GGT7: variants seen among roughly 807,000 people sequenced by gnomAD.
GGT7 encodes the protein gamma-glutamyltransferase 7.
Under a neutral mutation model 69.2 loss-of-function variants are expected in GGT7, and 30 were observed. That is an observed-to-expected ratio of 0.43 (90% CI 0.32 to 0.59). The LOEUF (loss-of-function observed/expected upper bound fraction) is 0.59, where lower values mean the gene tolerates loss of function less well. GGT7 is among the 20% of genes least tolerant of loss of function. GGT7 has a pLI of 0.05. For missense variants in GGT7, 733 were observed against 901.1 expected, an observed-to-expected ratio of 0.81 and a Z score of 2.39; for synonymous variants, 388 against 391.8, an observed-to-expected ratio of 0.99 and a Z score of 0.12.
chr20:34,859,761 C>A, intron 6 of GGT7, 122 bp from the exon 7 acceptor site: 2 of 886,266 alleles, frequency 2.3e-6, no homozygotes, highest in East Asian at 2.7e-5. Flanking sequence ...CCCCCAGGAG[C>A]CTGTTAAGTG....
Position 34,856,827 on chromosome 20 carries a change from G to T in GGT7, c.1081C>A (p.Pro361Thr), listed in dbSNP as rs777142616. ...FSNYSALVEKPVCGVYRGHLV... is the reference protein window; with the variant it reads ...FSNYSALVEKTVCGVYRGHLV... ...TCACCTCTGTACACGCCACACACAGGCTTCTCCACAAGGGCGCTGTAATTG... is the reference window on the plus strand; with the variant it reads ...TCACCTCTGTACACGCCACACACAGTCTTCTCCACAAGGGCGCTGTAATTG... The change falls in exon 8 of 15, where the codon CCT becomes ACT. Residue 361 changes from proline to threonine, a missense_variant. By Grantham distance (38) the Pro-to-Thr change is conservative. Transcript: ENST00000336431. 6.2e-7 allele frequency: 1 copy of T among 1,609,112 alleles called. No individual in the cohort carries two copies. The highest frequency in any genetic ancestry group is 1.1e-5 in the South Asian group (1 of 90,660).
In GGT7 at chr20:34,862,858, GGCT is replaced by G; in HGVS notation, c.510_512del (p.Ala171del). 1 of 1,614,058 alleles carries G rather than the reference GGCT, an allele frequency of 6.2e-7. No individual in the cohort carries two copies. The highest frequency in any genetic ancestry group is 1.1e-5 in the South Asian group (1 of 91,080). ...GTGGAGCCACGATACCCAAACACAA[GGCT>G]GCTGCCACCGCTGCGTCCACAGAAG... On this transcript the variant is annotated inframe_deletion, in exon 3 of 15. Coordinates refer to ENST00000336431, the MANE Select transcript of GGT7 (RefSeq NM_178026.3).
intron 14 of GGT7, 25 bp downstream of exon 14, chr20:34,849,936 C>T: frequency 2.7e-6 from 4 of 1,461,586 alleles, no homozygotes; most frequent in Non-Finnish European, 3.8e-6. Flanking sequence ...GTGCCCGCCC[C>T]ACGAGGTCTC....
At chr20:34,851,130 G>T (rs193051974) in intron 13 of GGT7, 101 bp downstream of exon 13, 3 of 1,439,114 alleles carry the variant, frequency 2.1e-6, no homozygotes, top group East Asian at 4.5e-5. Flanking sequence ...CATGTTTGCC[G>T]CATGAGGAAT....
rs150381116 is a variant in GGT7, at chr20:34,859,811, G to A, written c.817+158C>T. ...CTAAGGGCCCTTCCCAGACCCCCTC[G>A]TTTGAGGCCGCCTCCAGGTGAGGGT... On this transcript the variant is annotated intron_variant, in intron 6 of 14. Transcript: ENST00000336431. Among the ~76,000 whole-genome samples the A allele has an allele frequency of 3.1e-3, 474 of 152,256 alleles. 3 individuals are homozygous for A. The highest frequency in any genetic ancestry group is 5.0e-3 in the Non-Finnish European group (341 of 67,990).
Position 34,863,282 on chromosome 20 carries a change from T to G in GGT7, c.405+31A>C. 3 of 1,478,190 alleles carry G rather than the reference T, an allele frequency of 2.0e-6. No homozygotes were observed. The highest frequency in any genetic ancestry group is 2.8e-6 in the Non-Finnish European group (3 of 1,065,156). 91.6% of individuals were successfully genotyped at this position (1,478,190 alleles called of 1,614,324 possible). A position where few individuals can be genotyped will look rare whatever the true frequency, so the allele number is the denominator to read the frequency against. On this transcript the variant is annotated intron_variant, in intron 2 of 14. Coordinates refer to ENST00000336431, the MANE Select transcript of GGT7 (RefSeq NM_178026.3). The surrounding 1 kb of genome is among the most constrained non-coding windows in gnomAD (Gnocchi z 4.4). ...CATTACCCCACTCCCCACTCCCCAGTTTCCTCCCCCTCCCCATTTGTCCCC... is the reference window on the plus strand; with the variant it reads ...CATTACCCCACTCCCCACTCCCCAGGTTCCTCCCCCTCCCCATTTGTCCCC...
At chr20:34,851,173 A>T (rs1310734247) in intron 13 of GGT7, 58 bp downstream of exon 13, 2 of 1,594,986 alleles carry the variant, frequency 1.3e-6, no homozygotes, top group Non-Finnish European at 1.7e-6. Context: ...AGGCATCTGC[A>T]GTCTAGGCCA....
Position 34,868,547 on chromosome 20 carries a change from C to T in GGT7, c.169+4100G>A, listed in dbSNP as rs546540917. ...TCTAATTTTTACCTTCAGGGCTCAT[C>T]CCTGGTATCTGCTTGGATACCACTT... On this transcript the variant is annotated intron_variant, in intron 1 of 14. Coordinates refer to ENST00000336431, the MANE Select transcript of GGT7 (RefSeq NM_178026.3). 1.3e-3 allele frequency among the ~76,000 whole-genome samples: 201 copies of T among 152,280 alleles called. 2 individuals are homozygous for T. The highest frequency in any genetic ancestry group is 4.7e-3 in the African/African-American group (194 of 41,558).
rs372362464 is a variant in GGT7, at chr20:34,860,260, T to C, written c.737A>G (p.Tyr246Cys). 6.2e-6 allele frequency: 10 copies of C among 1,612,728 alleles called. No homozygotes were observed. Among genetic ancestry groups the C allele is most frequent in the Non-Finnish European group, 8.5e-6 (10 of 1,178,926 alleles). ...VKGLHEAHQL[Y>C]GRLPWSQVLA... Reference sequence around the variant, plus strand: ...CCAGGGGGAGGGTTGTTACCTGCCATAGAGCTGGTGAGCTTCATGTAGCCC... The same window carrying C: ...CCAGGGGGAGGGTTGTTACCTGCCACAGAGCTGGTGAGCTTCATGTAGCCC... The change falls in exon 5 of 15, where the codon TAT (tyrosine) becomes TGT (cysteine). Residue 246 changes from tyrosine to cysteine, a missense_variant. Transcript: ENST00000336431.
chr20:34,859,987 T>C lies in GGT7; in HGVS notation c.799A>G (p.Asn267Asp). 6.4e-7 allele frequency: 1 copy of C among 1,565,266 alleles called. No individual in the cohort carries two copies. Among genetic ancestry groups the C allele is most frequent in the South Asian group, 1.2e-5 (1 of 85,058 alleles). The change falls in exon 6 of 15, where the codon AAC becomes GAC. Residue 267 changes from asparagine (N) to aspartate (D), a missense_variant. By Grantham distance (23) the Asn-to-Asp change is conservative. Coordinates refer to ENST00000336431, the MANE Select transcript of GGT7 (RefSeq NM_178026.3). ...FAAAVAQDGF[N>D]VTHDLARALA... ...CACTGACCTAGATCATGAGTCACGT[T>C]GAAGCCATCTTGGGCCACAGCTGCT...
intron 10 of GGT7, 144 bp from the exon 11 acceptor site, chr20:34,852,682 T>A: frequency 1.6e-6 from 1 of 640,862 alleles, no homozygotes; most frequent in Non-Finnish European, 2.4e-6. Context: ...AGAAGCTCAT[T>A]AATTGCACAT....
At position 34,871,674 on chromosome 20, in the gene GGT7, C is replaced by T. The variant is rs767972788; in HGVS notation, c.169+973G>A. On this transcript the variant is annotated intron_variant, in intron 1 of 14. Coordinates refer to ENST00000336431, the MANE Select transcript of GGT7 (RefSeq NM_178026.3). ...GGGAGCAGCTAGGGAAGGGCCAAGC[C>T]GGAAAAGCAGCATCTGCCAGGCTGG... Among the ~76,000 whole-genome samples the T allele has an allele frequency of 3.9e-5, 6 of 152,294 alleles. No individual in the cohort carries two copies. The South Asian group carries it at 6.2e-4, about 16-fold the overall frequency.
At chr20:34,860,448 C>G (rs1455668096) in intron 4 of GGT7, 127 bp from the exon 5 acceptor site, 2 of 726,400 alleles carry the variant, frequency 2.8e-6, no homozygotes, top group African/African-American at 3.5e-5. Flanking sequence ...CCAAGTATCC[C>G]AGGGGAGGGA....
intron 10 of GGT7, among the ~76,000 whole-genome samples, chr20:34,853,497 G>A (rs1214391630): frequency 6.6e-6 from 1 of 151,104 alleles, no homozygotes; most frequent in Non-Finnish European, 1.5e-5. Context: ...GGGAGGCAGA[G>A]GTTACAGTGA....
intron 10 of GGT7, among the ~76,000 whole-genome samples, chr20:34,853,340 GGT>G (rs10527077): frequency 0.06 from 8,815 of 147,206 alleles, 422 homozygotes; most frequent in African/African-American, 0.12. Context: ...ATTTCATATA[GGT>G]GTGTGTGTGT....
chr20:34,848,266 T>G (rs1161277923), intron 14 of GGT7, among the ~76,000 whole-genome samples: 1 of 152,170 alleles, frequency 6.6e-6, no homozygotes, highest in African/African-American at 2.4e-5. Context: ...AGCCATTCAT[T>G]CTGGTTTTTG....
Position 34,854,900 on chromosome 20 carries a change from G to A in GGT7, c.1126C>T (p.Pro376Ser), listed in dbSNP as rs1170326115. Residue 376 changes from proline to serine, a missense_variant, in exon 9 of 15, where the codon CCT (proline) becomes TCT (serine). Coordinates refer to ENST00000336431, the MANE Select transcript of GGT7 (RefSeq NM_178026.3). ...ATGAGGGCAGGGCCCGTGTGCGGAG[G>A]TGGGGGACTAAGAACCAGGTGGCCT... ...YRGHLVLSPPPPHTGPALISA... is the reference protein window; with the variant it reads ...YRGHLVLSPPSPHTGPALISA... 4.3e-6 allele frequency: 7 copies of A among 1,613,798 alleles called. No homozygotes were observed. Among genetic ancestry groups the A allele is most frequent in the South Asian group, 1.1e-5 (1 of 91,062 alleles).
chr20:34,869,163 A>ATATAT (rs1555876554), intron 1 of GGT7, among the ~76,000 whole-genome samples: 1 of 149,828 alleles, frequency 6.7e-6, no homozygotes, highest in African/African-American at 2.5e-5. Flanking sequence ...TAAATAAATA[A>ATATAT]ATATATATAT....
At chr20:34,856,663 C>T (rs2079496795) in intron 8 of GGT7, 143 bp downstream of exon 8, 3 of 638,316 alleles carry the variant, frequency 4.7e-6, no homozygotes, top group Non-Finnish European at 8.6e-6. Flanking sequence ...CTCTGGTTTG[C>T]TTCAACAGTT....
Sources: gnomAD v4.1 joint callset for allele counts (sites outside exome capture counted in the v4.1 genomes callset) on GRCh38, gnomAD v4.1.1 for gene constraint, Gnocchi (gnomAD v3.1) non-coding constraint, MANE v1.5 for transcripts, NCBI Gene and HGNC (gene_info 2026-07-23, HGNC 2026-07-21) for gene names.